Variants in C12orf56 observed in about 807,000 individuals in gnomAD.
C12orf56 encodes the protein chromosome 12 open reading frame 56.
C12orf56 carries 71 observed loss-of-function variants against 69.9 expected under a neutral mutation model. The observed-to-expected ratio is 1.02, with a 90% CI of 0.84 to 1.24. The LOEUF is 1.24. Among genes scored for constraint, C12orf56 ranks in the 50% most tolerant of loss-of-function variants. C12orf56 has a pLI of 0.00. For synonymous variants in C12orf56, 276 were observed against 274.1 expected (o/e 1.01, Z -0.07); for missense variants, 732 against 738.5 (o/e 0.99, Z 0.10).
intron 1 of C12orf56, among the ~76,000 whole-genome samples, chr12:64,380,053 C>T (rs1285165400): frequency 9.3e-5 from 12 of 128,636 alleles, no homozygotes; most frequent in African/African-American, 3.2e-4. Context: ...TGCAGTGAGC[C>T]GAGATCGTGC....
chr12:64,301,056 C>T (rs2038438900), intron 6 of C12orf56, among the ~76,000 whole-genome samples: 1 of 152,186 alleles, frequency 6.6e-6, no homozygotes, highest in African/African-American at 2.4e-5. Flanking sequence ...CCATGTAAGA[C>T]ATGCCTTGCT....
intron 1 of C12orf56, among the ~76,000 whole-genome samples, chr12:64,378,411 T>C (rs1297296858): frequency 6.6e-6 from 1 of 152,100 alleles, no homozygotes; most frequent in African/African-American, 2.4e-5. Flanking sequence ...TATACTAAGA[T>C]GTGTGACTAA....
chr12:64,325,770 A>G (rs1565757105), intron 3 of C12orf56, among the ~76,000 whole-genome samples: 1 of 152,178 alleles, frequency 6.6e-6, no homozygotes, highest in Admixed American at 6.5e-5. Flanking sequence ...ATAAATATCT[A>G]TGCCACATAA....
intron 1 of C12orf56, among the ~76,000 whole-genome samples, chr12:64,353,350 G>T (rs768650045): frequency 9.2e-5 from 14 of 152,086 alleles, no homozygotes; most frequent in Non-Finnish European, 1.6e-4. Flanking sequence ...TAGATACAAG[G>T]TTTAACCATG....
chr12:64,372,007 C>CTGACCTCAAG (rs1399798443), intron 1 of C12orf56, among the ~76,000 whole-genome samples: 16 of 150,118 alleles, frequency 1.1e-4, no homozygotes, highest in African/African-American at 3.9e-4. Flanking sequence ...TCTCAAACTA[C>CTGACCTCAAG]TGACCTCAAG....
intron 1 of C12orf56, among the ~76,000 whole-genome samples, chr12:64,358,482 A>AATAATAATAATCATCATC (rs11275269): frequency 3.2e-4 from 40 of 125,948 alleles, no homozygotes; most frequent in Non-Finnish European, 5.7e-4. Context: ...TAATAATAAT[A>AATAATAATAATCATCATC]ATCATCATCA....
chr12:64,354,858 C>CACCT (rs2039285782), intron 1 of C12orf56, among the ~76,000 whole-genome samples: 1 of 149,906 alleles, frequency 6.7e-6, no homozygotes, highest in African/African-American at 2.4e-5. Flanking sequence ...GCCAGTGGAT[C>CACCT]GCCTGAAGTC....
chr12:64,322,738 C>A (rs1565755877), intron 3 of C12orf56, among the ~76,000 whole-genome samples: 1 of 152,210 alleles, frequency 6.6e-6, no homozygotes, highest in Non-Finnish European at 1.5e-5. Flanking sequence ...AATCTCTGTA[C>A]ATGATAACAT....
At position 64,276,993 on chromosome 12, in the gene C12orf56, T is replaced by TAAAAAAAA. The variant is rs200351319; in HGVS notation, c.1434+679_1434+686dup. On this transcript the variant is annotated intron_variant, in intron 9 of 12. Transcript: ENST00000543942. ...TGGGCAACAGAGTGAAACCCTTTCT[T>TAAAAAAAA]AAAAAAAAAAAAAAAAAAAAAAATT... Among the ~76,000 whole-genome samples, 49 of 69,216 alleles carry TAAAAAAAA rather than the reference T, an allele frequency of 7.1e-4. 1 individual carries two copies. Among genetic ancestry groups the TAAAAAAAA allele is most frequent in the Middle Eastern group, 0.011 (1 of 88 alleles). 45.4% of individuals were successfully genotyped at this position (69,216 alleles called of 152,430 possible). A position where few individuals can be genotyped will look rare whatever the true frequency, so the allele number is the denominator to read the frequency against.
chr12:64,369,003 C>T (rs2039533950), intron 1 of C12orf56, among the ~76,000 whole-genome samples: 2 of 151,972 alleles, frequency 1.3e-5, no homozygotes, highest in Non-Finnish European at 2.9e-5. Flanking sequence ...AACTTGAATG[C>T]AAATCAAGAA....
chr12:64,339,033 A>G (rs1045531888), intron 2 of C12orf56, among the ~76,000 whole-genome samples: 1 of 152,220 alleles, frequency 6.6e-6, no homozygotes, highest in African/African-American at 2.4e-5. Context: ...ACAGTTCACT[A>G]TGCGTAGCCT....
Position 64,267,124 on chromosome 12 carries a change from CAAGTT to C in C12orf56, c.*54_*58del. On this transcript the variant is annotated 3_prime_UTR_variant, in exon 13 of 13. Coordinates refer to ENST00000543942, the MANE Select transcript of C12orf56 (RefSeq NM_001170633.2). ...ATAAAAAAATGTTTCTCGTGAATAT[CAAGTT>C]GACTCTTGATTAACATTTTATACTC... 8.0e-7 allele frequency: 1 copy of C among 1,251,340 alleles called. No individual in the cohort carries two copies. Among genetic ancestry groups the C allele is most frequent in the Non-Finnish European group, 1.1e-6 (1 of 898,760 alleles). The allele number at this position is 1,251,340 out of a possible 1,614,324, so 77.5% of individuals were successfully genotyped here.
chr12:64,355,388 A>G, intron 1 of C12orf56, among the ~76,000 whole-genome samples: 1 of 152,104 alleles, frequency 6.6e-6, no homozygotes, highest in East Asian at 1.9e-4. Context: ...TCACCACTCA[A>G]CTTTCTCTGA....
intron 3 of C12orf56, among the ~76,000 whole-genome samples, chr12:64,327,005 A>G (rs1222318236): frequency 1.3e-5 from 2 of 152,146 alleles, no homozygotes; most frequent in African/African-American, 4.8e-5. Flanking sequence ...ATGTGTTATC[A>G]TGGGAATGGA....
rs1592502820 is a variant in C12orf56 at position 64,378,114 on chromosome 12, T to C, written c.252+12200A>G. Among the ~76,000 whole-genome samples, 3 of 152,346 alleles carry C rather than the reference T, an allele frequency of 2.0e-5. No individual in the cohort carries two copies. The South Asian group carries it at 6.2e-4, about 32-fold the overall frequency. On this transcript the variant is annotated intron_variant, in intron 1 of 12. Transcript: ENST00000543942. ...CATCTAACTGGCATACAGTAAGCAC[T>C]CAATAAATGTCAACTATTTGAGATG...
chr12:64,304,823 G>T (rs1261982537), intron 5 of C12orf56, among the ~76,000 whole-genome samples: 2 of 151,912 alleles, frequency 1.3e-5, no homozygotes, highest in Non-Finnish European at 2.9e-5. Flanking sequence ...AGGAAGTTGT[G>T]GGGGGGTTTA....
At position 64,358,330 on chromosome 12, in the gene C12orf56, C is replaced by T. The variant is rs1372861881; in HGVS notation, c.253-5274G>A. Reference sequence around the variant, plus strand: ...AAAATTAGCCAGGCGTGATGGCATGCGCCTGTAATCCCAGCTACTCAGGAG... The same window carrying T: ...AAAATTAGCCAGGCGTGATGGCATGTGCCTGTAATCCCAGCTACTCAGGAG... On this transcript the variant is annotated intron_variant, in intron 1 of 12. Coordinates refer to ENST00000543942, the MANE Select transcript of C12orf56 (RefSeq NM_001170633.2). 2.7e-5 allele frequency among the ~76,000 whole-genome samples: 4 copies of T among 150,902 alleles called. No individual in the cohort carries two copies. The South Asian group carries it at 6.3e-4, about 24-fold the overall frequency.
intron 1 of C12orf56, among the ~76,000 whole-genome samples, chr12:64,389,599 C>G (rs1342598337): frequency 1.3e-5 from 2 of 152,136 alleles, no homozygotes; most frequent in Non-Finnish European, 2.9e-5. Flanking sequence ...CAGGTTCAAG[C>G]GATTCTTGTG....
intron 2 of C12orf56, among the ~76,000 whole-genome samples, chr12:64,342,081 A>C (rs1443813464): frequency 6.6e-6 from 1 of 152,144 alleles, no homozygotes; most frequent in African/African-American, 2.4e-5. Context: ...CTCACATGGG[A>C]TACAAATATC....
Sources: gnomAD v4.1 joint callset for allele counts (sites outside exome capture counted in the v4.1 genomes callset) on GRCh38, gnomAD v4.1.1 for gene constraint, MANE v1.5 for transcripts, NCBI Gene and HGNC (gene_info 2026-07-23, HGNC 2026-07-21) for gene names.